Variants in WDR41 observed in about 807,000 individuals in gnomAD.
WDR41 encodes the protein WD repeat-containing protein 41.
In WDR41, 63 loss-of-function variants were observed where a neutral mutation model predicts 69.3. The ratio of observed to expected loss-of-function variants is 0.91; its 90% CI spans 0.74 to 1.12. WDR41 has a LOEUF of 1.12. Among genes scored for constraint, WDR41 ranks in the 50% most tolerant of loss-of-function variants. The pLI is 0.00. For synonymous variants in WDR41, 185 were observed against 192.1 expected, an observed-to-expected ratio of 0.96 and a Z score of 0.31; for missense variants, 543 against 534.5, an observed-to-expected ratio of 1.02 and a Z score of -0.16.
chr5:77,611,847 C>T (rs1744559858), intron 1 of WDR41, among the ~76,000 whole-genome samples: 1 of 151,942 alleles, frequency 6.6e-6, no homozygotes, highest in South Asian at 2.1e-4. Flanking sequence ...ATCAATGAAT[C>T]CAGGAGCTGG....
At chr5:77,470,449 G>A (rs34214160) in intron 2 of WDR41, among the ~76,000 whole-genome samples, 15,644 of 151,994 alleles carry the variant, frequency 0.1, 973 homozygotes, top group Middle Eastern at 0.19. Flanking sequence ...AAATGTAAAT[G>A]GGCTAAATGC....
At chr5:77,558,094 T>TTTTAAAAA (rs1554036365) in intron 1 of WDR41, among the ~76,000 whole-genome samples, 1 of 104,282 alleles carries the variant, frequency 9.6e-6, no homozygotes, top group African/African-American at 3.6e-5. Flanking sequence ...ATGTTCTTTT[T>TTTTAAAAA]AAAAAAAAAA....
chr5:77,434,059 G>A (rs1417829906), intron 12 of WDR41, among the ~76,000 whole-genome samples: 2 of 152,206 alleles, frequency 1.3e-5, no homozygotes, highest in African/African-American at 4.8e-5. Flanking sequence ...GCCGGGCGTG[G>A]TGGCTCACAC....
chr5:77,455,782 T>C (rs934429691), intron 5 of WDR41, among the ~76,000 whole-genome samples: 1 of 152,184 alleles, frequency 6.6e-6, no homozygotes. Flanking sequence ...CTTCTGGGCC[T>C]TTAATTCGGT....
intron 1 of WDR41, among the ~76,000 whole-genome samples, chr5:77,572,759 A>C (rs1743754501): frequency 6.6e-6 from 1 of 152,226 alleles, no homozygotes; most frequent in Non-Finnish European, 1.5e-5. Context: ...TTCATTAAAC[A>C]ATCCTTCAAG....
At chr5:77,558,094 T>TTAAAAAAAAAAA (rs1554036365) in intron 1 of WDR41, among the ~76,000 whole-genome samples, 22 of 104,270 alleles carry the variant, frequency 2.1e-4, no homozygotes, top group African/African-American at 7.5e-4. Flanking sequence ...ATGTTCTTTT[T>TTAAAAAAAAAAA]AAAAAAAAAA....
intron 1 of WDR41, among the ~76,000 whole-genome samples, chr5:77,497,403 A>G (rs559429868): frequency 4.6e-5 from 7 of 152,302 alleles, no homozygotes; most frequent in African/African-American, 1.7e-4. Context: ...AACAACAACA[A>G]CAACATAAAA....
chr5:77,517,657 T>TATATATATATATATATACAC (rs1491454629), intron 1 of WDR41, among the ~76,000 whole-genome samples: 96 of 136,658 alleles, frequency 7.0e-4, no homozygotes, highest in African/African-American at 2.5e-3. Context: ...TATATATATA[T>TATATATATATATATATACAC]ACCAGGCTAA....
At chr5:77,467,737 A>T (rs1330724318) in intron 2 of WDR41, among the ~76,000 whole-genome samples, 2 of 152,092 alleles carry the variant, frequency 1.3e-5, no homozygotes, top group African/African-American at 4.8e-5. Context: ...CAAACATTTA[A>T]GTGTTCAAGG....
At chr5:77,485,256 C>T (rs1416968702) in intron 2 of WDR41, among the ~76,000 whole-genome samples, 1 of 152,160 alleles carries the variant, frequency 6.6e-6, no homozygotes, top group African/African-American at 2.4e-5. Flanking sequence ...CTATCTGTTT[C>T]CCAGGGAACC....
At chr5:77,609,848 C>A (rs1419465512) in intron 1 of WDR41, among the ~76,000 whole-genome samples, 4 of 152,052 alleles carry the variant, frequency 2.6e-5, no homozygotes, top group African/African-American at 9.7e-5. Context: ...TTCAGACAAT[C>A]AAACTACTCT....
In WDR41 at chr5:77,438,265, G is replaced by A. The variant is rs763254910; in HGVS notation, c.979C>T (p.Leu327=). The change falls in exon 10 of 13, where the codon CTG becomes TTG. Residue 327 remains leucine (L), a synonymous_variant. Transcript: ENST00000296679. ...CQKTAHDSNV[L]HVARLPNRQL... ...CTGTTTGGAAGTCTGGCAACGTGCA[G>A]GACATTGGAGTCATGTGCAGTTTTC... 2.5e-5 allele frequency: 40 copies of A among 1,614,054 alleles called. No individual in the cohort carries two copies. Among genetic ancestry groups the A allele is most frequent in the Non-Finnish European group, 3.4e-5 (40 of 1,179,902 alleles).
intron 1 of WDR41, among the ~76,000 whole-genome samples, chr5:77,598,004 C>A (rs1744256035): frequency 6.6e-6 from 1 of 152,182 alleles, no homozygotes; most frequent in African/African-American, 2.4e-5. Flanking sequence ...TGGGCAGTGA[C>A]TTAACCTCTC....
At chr5:77,528,550 A>T (rs1462150314) in intron 1 of WDR41, among the ~76,000 whole-genome samples, 1 of 151,780 alleles carries the variant, frequency 6.6e-6, no homozygotes, top group Non-Finnish European at 1.5e-5. Flanking sequence ...AATAAGCTTA[A>T]TAGCAAAGCC....
At chr5:77,478,359 A>G (rs184466827) in intron 2 of WDR41, among the ~76,000 whole-genome samples, 162 of 152,332 alleles carry the variant, frequency 1.1e-3, no homozygotes, top group Non-Finnish European at 1.4e-3. Flanking sequence ...AAAGCCGGGC[A>G]GAGACATAAC....
chr5:77,606,758 G>C (rs1015594609), intron 1 of WDR41, among the ~76,000 whole-genome samples: 1 of 151,900 alleles, frequency 6.6e-6, no homozygotes, highest in Non-Finnish European at 1.5e-5. Flanking sequence ...AGCCATGATT[G>C]TGCCACTGCA....
At chr5:77,490,126 A>G (rs1202292838) in intron 1 of WDR41, among the ~76,000 whole-genome samples, 4 of 152,066 alleles carry the variant, frequency 2.6e-5, no homozygotes, top group Non-Finnish European at 5.9e-5. Flanking sequence ...CACACGCCCA[A>G]CTAATTTTTG....
intron 1 of WDR41, among the ~76,000 whole-genome samples, chr5:77,531,501 C>T (rs1802528256): frequency 6.6e-6 from 1 of 151,786 alleles, no homozygotes; most frequent in Non-Finnish European, 1.5e-5. Context: ...CAGACAATAA[C>T]AAGTGTTGGT....
chr5:77,582,566 T>A (rs987527061), intron 1 of WDR41: 28 of 1,599,604 alleles, frequency 1.8e-5, no homozygotes, highest in Non-Finnish European at 2.3e-5. Context: ...TATAGGCAAA[T>A]GTACAGAACT....
Sources: gnomAD v4.1 joint callset for allele counts (sites outside exome capture counted in the v4.1 genomes callset) on GRCh38, gnomAD v4.1.1 for gene constraint, MANE v1.5 for transcripts, NCBI Gene and HGNC (gene_info 2026-07-23, HGNC 2026-07-21) for gene names.